Variants in MAP3K5 observed in about 807,000 individuals in gnomAD.
MAP3K5 encodes ASK-1.
In MAP3K5, 56 loss-of-function variants were observed where a neutral mutation model predicts 158.7. The observed-to-expected ratio is 0.35, with a 90% CI of 0.28 to 0.44. The LOEUF is 0.44. MAP3K5 is among the 20% of genes least tolerant of loss of function. The pLI, the probability that MAP3K5 is intolerant of heterozygous loss-of-function variation, is 1.00. For missense variants in MAP3K5, 1,294 were observed against 1,674.8 expected (o/e 0.77, Z 3.97); for synonymous variants, 579 against 601.7 (o/e 0.96, Z 0.55).
At chr6:136,615,067 T>C (rs191171437) in intron 15 of MAP3K5, among the ~76,000 whole-genome samples, 2 of 152,336 alleles carry the variant, frequency 1.3e-5, no homozygotes, top group Admixed American at 6.5e-5. Context: ...CTTTTGATGA[T>C]TATTGGAAGT....
At chr6:136,707,978 T>C (rs1469066752) in intron 2 of MAP3K5, among the ~76,000 whole-genome samples, 1 of 152,226 alleles carries the variant, frequency 6.6e-6, no homozygotes, top group Admixed American at 6.5e-5. Context: ...TATCCTATGC[T>C]GCTATTTATG....
intron 7 of MAP3K5, among the ~76,000 whole-genome samples, chr6:136,688,251 A>G (rs1349905309): frequency 6.6e-6 from 1 of 152,166 alleles, no homozygotes; most frequent in Non-Finnish European, 1.5e-5. Flanking sequence ...GGGGAACATC[A>G]CACACTGAGA....
chr6:136,656,778 C>T (rs1052375385), intron 9 of MAP3K5, among the ~76,000 whole-genome samples: 5 of 152,116 alleles, frequency 3.3e-5, no homozygotes, highest in Non-Finnish European at 4.4e-5. Flanking sequence ...TGCACCACCA[C>T]GCCTGGCTAC....
chr6:136,720,694 A>G (rs2114780367), intron 1 of MAP3K5, 105 bp from the exon 2 acceptor site: 4 of 833,474 alleles, frequency 4.8e-6, no homozygotes, highest in Middle Eastern at 2.4e-4. Context: ...AAATAAGGAA[A>G]CGATAGGGAT....
rs138288551 is a variant in MAP3K5 at position 136,669,364 on chromosome 6, G to A, written c.1285C>T (p.Leu429=). The A allele has an allele frequency of 8.2e-5, 132 of 1,612,680 alleles. No individual in the cohort carries two copies. The highest frequency in any genetic ancestry group is 3.3e-4 in the Middle Eastern group (2 of 6,076). ...ACCGCATAATTAATTCCTGACTGTA[G>A]TGTTGGCTCAGATTCAAATGCCTTT... ...FKKAFESEPT[L]QSGINYAVLL... is the part of the protein sequence containing the mutation. The change falls in exon 8 of 30, where the codon CTA becomes TTA. Residue 429 remains leucine, a synonymous_variant. Transcript: ENST00000359015.
chr6:136,662,399 T>C (rs956314536), intron 8 of MAP3K5, among the ~76,000 whole-genome samples: 3 of 152,274 alleles, frequency 2.0e-5, no homozygotes, highest in Non-Finnish European at 2.9e-5. Context: ...TGAGCATTTA[T>C]GCTCTTTGCA....
At chr6:136,667,897 G>A (rs13195420) in intron 8 of MAP3K5, among the ~76,000 whole-genome samples, 51,430 of 151,522 alleles carry the variant, frequency 0.34, 9,314 homozygotes, top group Admixed American at 0.42. Flanking sequence ...TAATACCCCT[G>A]CTATCCCACA....
chr6:136,687,072 A>G (rs528633730), intron 7 of MAP3K5, among the ~76,000 whole-genome samples: 65 of 152,344 alleles, frequency 4.3e-4, no homozygotes, highest in African/African-American at 1.5e-3. Flanking sequence ...ATACCAAAAC[A>G]GATACATAGA....
intron 1 of MAP3K5, among the ~76,000 whole-genome samples, chr6:136,757,826 C>A (rs1294161455): frequency 2.0e-5 from 3 of 152,062 alleles, no homozygotes; most frequent in African/African-American, 7.2e-5. Flanking sequence ...CTCAGATGAT[C>A]CACCTGCCTC....
intron 3 of MAP3K5, among the ~76,000 whole-genome samples, chr6:136,699,752 T>C (rs1425372365): frequency 6.6e-6 from 1 of 152,182 alleles, no homozygotes; most frequent in Non-Finnish European, 1.5e-5. Context: ...GATGTTAGAC[T>C]GTACATTCTG....
At chr6:136,665,827 C>T (rs1182272240) in intron 8 of MAP3K5, among the ~76,000 whole-genome samples, 2 of 152,112 alleles carry the variant, frequency 1.3e-5, no homozygotes, top group African/African-American at 4.8e-5. Flanking sequence ...CCTTGATTAT[C>T]TCTATTGATT....
intron 25 of MAP3K5, among the ~76,000 whole-genome samples, chr6:136,578,842 A>C (rs573471854): frequency 5.8e-4 from 88 of 152,244 alleles, no homozygotes; most frequent in African/African-American, 2.0e-3. Context: ...TGAACTTAAA[A>C]GTTTGTAGTA....
chr6:136,621,067 A>G (rs1776776639), intron 15 of MAP3K5, among the ~76,000 whole-genome samples: 1 of 152,070 alleles, frequency 6.6e-6, no homozygotes, highest in Non-Finnish European at 1.5e-5. Context: ...GCAAAAATGT[A>G]TATATTATAC....
At chr6:136,596,107 A>G (rs1029961867) in intron 21 of MAP3K5, among the ~76,000 whole-genome samples, 12 of 152,190 alleles carry the variant, frequency 7.9e-5, no homozygotes, top group Non-Finnish European at 1.6e-4. Flanking sequence ...GTAAAGGATG[A>G]CATAATTTGG....
At chr6:136,692,200 C>T (rs1343287626) in intron 7 of MAP3K5, among the ~76,000 whole-genome samples, 1 of 151,994 alleles carries the variant, frequency 6.6e-6, no homozygotes, top group Non-Finnish European at 1.5e-5. Context: ...TGCCACCACA[C>T]CCAGGTTGCT....
At chr6:136,789,679 T>A (rs1784990211) in intron 1 of MAP3K5, among the ~76,000 whole-genome samples, 1 of 26,710 alleles carries the variant, frequency 3.7e-5, no homozygotes, top group Non-Finnish European at 7.6e-5. Flanking sequence ...CAACCTCTTT[T>A]TTTTTTTTTT....
At chr6:136,783,699 G>A (rs1028415095) in intron 1 of MAP3K5, among the ~76,000 whole-genome samples, 3 of 152,176 alleles carry the variant, frequency 2.0e-5, no homozygotes, top group Admixed American at 6.5e-5. Flanking sequence ...AAAGGCCCTC[G>A]AATGGCCTCC....
Position 136,605,249 on chromosome 6 carries a change from G to A in MAP3K5, c.2639C>T (p.Pro880Leu), listed in dbSNP as rs369430560. 3.7e-6 allele frequency: 6 copies of A among 1,613,904 alleles called. No homozygotes were observed. In the African/African-American group the frequency reaches 6.7e-5, roughly 18 times the overall value. The change falls in exon 19 of 30, where the codon CCA becomes CTA. Residue 880 changes from proline (P) to leucine (L), a missense_variant. Coordinates refer to ENST00000359015, the MANE Select transcript of MAP3K5 (RefSeq NM_005923.4). The stretch of plus-strand genomic sequence containing the variant: ...TTGTGGTTCTCCCAGTTCATAAAAT[G>A]GGGGTTTTCCTGTGGCCATTTCAAT... ...TIIEMATGKP[P>L]FYELGEPQAA...
Position 136,577,668 on chromosome 6 carries a change from G to C in MAP3K5, c.3517+2633C>G, listed in dbSNP as rs150636409. Among the ~76,000 whole-genome samples, 317 of 152,248 alleles carry C rather than the reference G, an allele frequency of 2.1e-3. 3 individuals are homozygous for C. The highest frequency in any genetic ancestry group is 3.8e-3 in the Non-Finnish European group (261 of 68,004). On this transcript the variant is annotated intron_variant, in intron 25 of 29. Coordinates refer to ENST00000359015, the MANE Select transcript of MAP3K5 (RefSeq NM_005923.4). Reference sequence around the variant, plus strand: ...TAAACCTAACAGAGTTTCACCTACAGTTACTTTTGCTTTTTAAACTTTCTA... The same window carrying C: ...TAAACCTAACAGAGTTTCACCTACACTTACTTTTGCTTTTTAAACTTTCTA...
Sources: gnomAD v4.1 joint callset for allele counts (sites outside exome capture counted in the v4.1 genomes callset) on GRCh38, gnomAD v4.1.1 for gene constraint, MANE v1.5 for transcripts, NCBI Gene and HGNC (gene_info 2026-07-23, HGNC 2026-07-21) for gene names.